Variants in RERE observed in about 807,000 individuals in gnomAD.
RERE encodes the protein arginine-glutamic acid dipeptide repeats, also known as arginine-glutamic acid dipeptide repeats protein.
A neutral mutation model predicts 146.1 loss-of-function variants in RERE; 40 were observed. The observed-to-expected ratio is 0.27, with a 90% confidence interval of 0.21 to 0.36. RERE has a LOEUF of 0.36. RERE is among the 10% of genes least tolerant of loss of function. The pLI, the probability that RERE is intolerant of heterozygous loss-of-function variation, is 1.00. For synonymous variants in RERE, 1,003 were observed against 866.0 expected, an observed-to-expected ratio of 1.16 and a Z score of -2.78; for missense variants, 1,933 against 2,138.7, an observed-to-expected ratio of 0.90 and a Z score of 1.90.
intron 15 of RERE, among the ~76,000 whole-genome samples, chr1:8,363,069 G>C (rs575846216): frequency 1.2e-4 from 19 of 152,334 alleles, no homozygotes; most frequent in African/African-American, 4.6e-4. Flanking sequence ...GCCAGAGGGC[G>C]GTTCTCAAAC....
chr1:8,664,378 T>C (rs1638524289), intron 1 of RERE, among the ~76,000 whole-genome samples: 2 of 152,116 alleles, frequency 1.3e-5, no homozygotes, highest in Admixed American at 1.3e-4. Context: ...ACTTTCTACC[T>C]GGCCAATCTC....
intron 2 of RERE, among the ~76,000 whole-genome samples, chr1:8,645,086 A>T (rs1647254666): frequency 6.6e-6 from 1 of 152,128 alleles, no homozygotes; most frequent in Non-Finnish European, 1.5e-5. Context: ...GCAGGGAAAC[A>T]ATGTCTAGGT....
chr1:8,546,211 GCTC>G (rs1248687317), intron 6 of RERE, among the ~76,000 whole-genome samples: 2 of 151,114 alleles, frequency 1.3e-5, no homozygotes, highest in Non-Finnish European at 3.0e-5. Context: ...AGACTCCTGG[GCTC>G]AAGCAATCTG....
chr1:8,717,076 TAACTA>T (rs1253841231), intron 1 of RERE, among the ~76,000 whole-genome samples: 1 of 152,206 alleles, frequency 6.6e-6, no homozygotes, highest in East Asian at 1.9e-4. Context: ...AATACATCAC[TAACTA>T]AAGTAACAGC....
chr1:8,812,646 G>A (rs1456019258), intron 1 of RERE, among the ~76,000 whole-genome samples: 2 of 150,146 alleles, frequency 1.3e-5, no homozygotes, highest in South Asian at 2.1e-4. Flanking sequence ...ACTCCATCTC[G>A]AAAAATAATA....
At chr1:8,452,649 G>C (rs1024789719) in intron 11 of RERE, among the ~76,000 whole-genome samples, 1 of 152,174 alleles carries the variant, frequency 6.6e-6, no homozygotes, top group Non-Finnish European at 1.5e-5. Flanking sequence ...AGAATTATGA[G>C]AGCAAACAGT....
chr1:8,411,921 T>G (rs1000501450), intron 12 of RERE, among the ~76,000 whole-genome samples: 8 of 152,140 alleles, frequency 5.3e-5, no homozygotes, highest in African/African-American at 1.9e-4. Context: ...GTTCCACAAA[T>G]TACAGATTCT....
rs1214247526 is a variant in RERE, at chr1:8,394,052, AG to A, written c.1285-28079del. ...AGAAAAATCCCTGATTTCTCCACTA[AG>A]GGCTCCTGAGACCAGAAAGACAAGA... On this transcript the variant is annotated intron_variant, in intron 12 of 22. Coordinates refer to ENST00000400908, the MANE Select transcript of RERE (RefSeq NM_001042681.2). Among the ~76,000 whole-genome samples the A allele has an allele frequency of 2.0e-5, 3 of 152,158 alleles. No homozygotes were observed. In the East Asian group the frequency reaches 5.8e-4, roughly 29 times the overall value.
chr1:8,360,633 G>C lies in RERE; in HGVS notation c.2874C>G (p.Ser958=). 6.6e-7 allele frequency: 1 copy of C among 1,516,504 alleles called. No individual in the cohort carries two copies. The highest frequency in any genetic ancestry group is 8.8e-7 in the Non-Finnish European group (1 of 1,134,522). 93.9% of individuals were successfully genotyped at this position (1,516,504 alleles called of 1,614,324 possible). ...PPHLSGPSPF[S]MNANLPPPPA... Reference sequence around the variant, plus strand: ...GAGGGGGAGGCAGGTTGGCATTCATGGAGAAGGGTGAGGGCCCCGAGAGGT... The same window carrying C: ...GAGGGGGAGGCAGGTTGGCATTCATCGAGAAGGGTGAGGGCCCCGAGAGGT... Residue 958 remains serine, a synonymous_variant, in exon 18 of 23, where the codon TCC becomes TCG. Coordinates refer to ENST00000400908, the MANE Select transcript of RERE (RefSeq NM_001042681.2).
At chr1:8,788,197 T>G (rs752067010) in intron 1 of RERE, among the ~76,000 whole-genome samples, 1 of 152,110 alleles carries the variant, frequency 6.6e-6, no homozygotes, top group East Asian at 1.9e-4. Context: ...ATAAGCCAAG[T>G]GCCCAATAAT....
chr1:8,601,626 C>CACACACACA (rs1646627138), intron 4 of RERE, among the ~76,000 whole-genome samples: 1 of 94,914 alleles, frequency 1.1e-5, no homozygotes, highest in South Asian at 4.2e-4. Context: ...TCCAAGGTCA[C>CACACACACA]CACACACACA....
At position 8,467,155 on chromosome 1, in the gene RERE, C is replaced by T. The variant is rs574743142; in HGVS notation, c.1105-1132G>A. Among the ~76,000 whole-genome samples the T allele has an allele frequency of 5.9e-5, 9 of 152,310 alleles. No homozygotes were observed. The East Asian group carries it at 1.7e-3, about 29-fold the overall frequency. ...CACAGCAGTAAACAACACAGAGATC[C>T]CCGTTCTCATGGAGTGGACGTTCTG... On this transcript the variant is annotated intron_variant, in intron 10 of 22. Transcript: ENST00000400908.
chr1:8,738,231 C>A (rs1485696791), intron 1 of RERE, among the ~76,000 whole-genome samples: 1 of 152,160 alleles, frequency 6.6e-6, no homozygotes, highest in African/African-American at 2.4e-5. Flanking sequence ...GATCAGAATC[C>A]CCAAGGCAGA....
chr1:8,385,968 T>TAAAAAAAAAAAA (rs34493389), intron 12 of RERE, among the ~76,000 whole-genome samples: 1 of 9,482 alleles, frequency 1.1e-4, no homozygotes, highest in African/African-American at 4.8e-4. Context: ...GACTCCGTCT[T>TAAAAAAAAAAAA]AAAAAAAAAA....
intron 1 of RERE, among the ~76,000 whole-genome samples, chr1:8,705,027 T>C (rs1172193379): frequency 6.6e-6 from 1 of 152,240 alleles, no homozygotes; most frequent in Non-Finnish European, 1.5e-5. Flanking sequence ...AAAGCCTTGC[T>C]ACAAAGCTAC....
chr1:8,556,214 G>A (rs1646004677), intron 6 of RERE, among the ~76,000 whole-genome samples: 1 of 149,850 alleles, frequency 6.7e-6, no homozygotes, highest in Non-Finnish European at 1.5e-5. Context: ...CCAAGGAAAT[G>A]AAGATACAAT....
In RERE at chr1:8,365,800, A is replaced by G. The variant is rs757054742; in HGVS notation, c.1447+12T>C. 3.1e-6 allele frequency: 5 copies of G among 1,613,420 alleles called. No individual in the cohort carries two copies. The South Asian group carries it at 5.5e-5, about 18-fold the overall frequency. On this transcript the variant is annotated intron_variant, in intron 13 of 22. Transcript: ENST00000400908. The stretch of plus-strand genomic sequence containing the variant: ...CCCCTCCGCCCACTGTGATGCCAAG[A>G]CCCCTACTCACAGAATTCACTGGAC...
At chr1:8,478,165 A>G (rs1162162595) in intron 10 of RERE, among the ~76,000 whole-genome samples, 1 of 152,246 alleles carries the variant, frequency 6.6e-6, no homozygotes, top group African/African-American at 2.4e-5. Flanking sequence ...GAAGAGCAGC[A>G]GCAGACAGCC....
At chr1:8,450,089 C>T (rs966993439) in intron 11 of RERE, among the ~76,000 whole-genome samples, 3 of 152,208 alleles carry the variant, frequency 2.0e-5, no homozygotes, top group East Asian at 3.9e-4. Flanking sequence ...AGTACCTCCA[C>T]GGTTATTTCT....
Sources: gnomAD v4.1 joint callset for allele counts (sites outside exome capture counted in the v4.1 genomes callset) on GRCh38, gnomAD v4.1.1 for gene constraint, MANE v1.5 for transcripts, NCBI Gene and HGNC (gene_info 2026-07-23, HGNC 2026-07-21) for gene names.